The following RHD variants were observed in gnomAD, a reference collection of about 807,000 sequenced individuals.
The protein encoded by RHD is Rh blood group D antigen.
A neutral mutation model predicts 45.5 loss-of-function variants in RHD; 16 were observed. The observed-to-expected ratio is 0.35, with a 90% CI of 0.24 to 0.53. The LOEUF is 0.53. RHD is among the 20% of genes least tolerant of loss of function. The pLI is 0.92. For missense variants in RHD, 306 were observed against 532.0 expected (o/e 0.58, Z 4.18); for synonymous variants, 131 against 217.5 (o/e 0.60, Z 3.50).
chr1:25,303,587 A>G (rs1167708726), intron 6 of RHD, 128 bp downstream of exon 6: 2 of 994,586 alleles, frequency 2.0e-6, no homozygotes, highest in African/African-American at 1.6e-5. Flanking sequence ...ATTGGCTTCA[A>G]CGCCTAGTGA....
At chr1:25,281,171 G>T (rs1435418823) in intron 1 of RHD, among the ~76,000 whole-genome samples, 2 of 132,296 alleles carry the variant, frequency 1.5e-5, no homozygotes, top group Non-Finnish European at 3.6e-5. Flanking sequence ...ATAGTTCCAG[G>T]CATTCAGAGC....
chr1:25,305,968 G>C lies in RHD; in HGVS notation c.940-628G>C, dbSNP rs1246469234. ...AACCAGCCTGATTGAATTTGCATAT[G>C]TGTCCACATCTGCTGGCTCACGGCT... On this transcript the variant is annotated intron_variant, in intron 6 of 9. Transcript: ENST00000328664. Among the ~76,000 whole-genome samples, 2 of 132,144 alleles carry C rather than the reference G, an allele frequency of 1.5e-5. 1 individual carries two copies. The highest frequency in any genetic ancestry group is 3.6e-5 in the Non-Finnish European group (2 of 56,054). The allele number at this position is 132,144 out of a possible 152,430, so 86.7% of individuals were successfully genotyped here.
At chr1:25,272,810 G>C (rs1571558267) in intron 1 of RHD, 115 bp downstream of exon 1, 1 of 1,239,840 alleles carries the variant, frequency 8.1e-7, no homozygotes, top group Non-Finnish European at 1.2e-6. Context: ...CAAGGAAAAA[G>C]ATTCCCCCAT....
chr1:25,316,553 A>G (rs1364500684), intron 7 of RHD, among the ~76,000 whole-genome samples: 1 of 99,102 alleles, frequency 1.0e-5, no homozygotes, highest in African/African-American at 3.2e-5. Flanking sequence ...CAGAGGTTGC[A>G]GTGAGCCGAC....
intron 7 of RHD, chr1:25,307,920 C>A: frequency 1.1e-6 from 1 of 926,306 alleles, no homozygotes. Context: ...AATAACTGTG[C>A]AATTCTAAGC....
intron 7 of RHD, chr1:25,307,941 C>T: frequency 1.3e-6 from 1 of 790,658 alleles, no homozygotes; most frequent in Non-Finnish European, 2.0e-6. Flanking sequence ...AGAACCTTTC[C>T]TGTCTCTGGG....
rs1344986172 is a variant in RHD at position 25,283,333 on chromosome 1, C to G, written c.149-1240C>G. 1.5e-5 allele frequency among the ~76,000 whole-genome samples: 2 copies of G among 131,488 alleles called. 1 individual carries two copies. Among genetic ancestry groups the G allele is most frequent in the African/African-American group, 5.2e-5 (2 of 38,522 alleles). The allele number at this position is 131,488 out of a possible 152,430, so 86.3% of individuals were successfully genotyped here. ...ATCACTTGAGGTCAGGAGTTCGAGACCAGCTTGGCCAACATAGCGAAACCC... is the reference window on the plus strand; with the variant it reads ...ATCACTTGAGGTCAGGAGTTCGAGAGCAGCTTGGCCAACATAGCGAAACCC... On this transcript the variant is annotated intron_variant, in intron 1 of 9. Transcript: ENST00000328664.
At chr1:25,284,243 C>G (rs1178149498) in intron 1 of RHD, among the ~76,000 whole-genome samples, 1 of 136,084 alleles carries the variant, frequency 7.3e-6, no homozygotes, top group African/African-American at 2.5e-5. Context: ...GCGTCAAGCA[C>G]GTGTGCTTTA....
chr1:25,307,271 C>A (rs658452), intron 7 of RHD, among the ~76,000 whole-genome samples: 5,536 of 131,528 alleles, frequency 0.042, 1,508 homozygotes, highest in Non-Finnish European at 0.07. Flanking sequence ...GGTCTCACTG[C>A]GAGGTGGGAA....
chr1:25,321,886 C>T lies in RHD; in HGVS notation c.1154-3C>T, dbSNP rs780808563. On this transcript the variant is annotated splice_polypyrimidine_tract_variant and splice_region_variant and intron_variant, in intron 8 of 9. Coordinates refer to ENST00000328664, the MANE Select transcript of RHD (RefSeq NM_016124.6). ...TTTAACATTAAATTATGCATTTAAA[C>T]AGGTTTGCTCCTAAATCTTAAAATA... The T allele has an allele frequency of 1.6e-6, 2 of 1,215,710 alleles. No homozygotes were observed. Among genetic ancestry groups the T allele is most frequent in the East Asian group, 2.3e-5 (1 of 42,586 alleles). 75.3% of individuals were successfully genotyped at this position (1,215,710 alleles called of 1,614,324 possible). A position where few individuals can be genotyped will look rare whatever the true frequency, so the allele number is the denominator to read the frequency against.
Position 25,296,909 on chromosome 1 carries a change from A to C in RHD, c.487-4037A>C, listed in dbSNP as rs1163820977. On this transcript the variant is annotated intron_variant, in intron 3 of 9. Transcript: ENST00000328664. ...CAGTCTCAGGAAGTATCTTTATAGC[A>C]GTGTGAAAACAGACTAACACAATTT... Among the ~76,000 whole-genome samples the C allele has an allele frequency of 3.8e-5, 5 of 130,566 alleles. 2 individuals are homozygous for C. Among genetic ancestry groups the C allele is most frequent in the Non-Finnish European group, 9.0e-5 (5 of 55,498 alleles). The allele number at this position is 130,566 out of a possible 152,430, so 85.7% of individuals were successfully genotyped here.
At chr1:25,296,805 CA>C (rs1183826492) in intron 3 of RHD, among the ~76,000 whole-genome samples, 1 of 123,762 alleles carries the variant, frequency 8.1e-6, no homozygotes, top group African/African-American at 2.7e-5. Context: ...CACCTTCCAC[CA>C]TGATTGTAAG....
rs559716390 is a variant in RHD, at chr1:25,287,849, G to A, written c.336-2792G>A. On this transcript the variant is annotated intron_variant, in intron 2 of 9. Transcript: ENST00000328664. Reference sequence around the variant, plus strand: ...TGATCCTCCCACCTCAGCCTCCTGAGTTAAATTTTTTTACAGGCGCCTGCT... The same window carrying A: ...TGATCCTCCCACCTCAGCCTCCTGAATTAAATTTTTTTACAGGCGCCTGCT... Among the ~76,000 whole-genome samples, 116 of 93,924 alleles carry A rather than the reference G, an allele frequency of 1.2e-3. 12 individuals carry two copies. The highest frequency in any genetic ancestry group is 3.1e-3 in the African/African-American group (111 of 35,326). The allele number at this position is 93,924 out of a possible 152,430, so 61.6% of individuals were successfully genotyped here. A position where few individuals can be genotyped will look rare whatever the true frequency, so the allele number is the denominator to read the frequency against.
Position 25,310,273 on chromosome 1 carries a change from GAAGT to G in RHD, c.1073+3547_1073+3550del, listed in dbSNP as rs1392412945. On this transcript the variant is annotated intron_variant, in intron 7 of 9. Transcript: ENST00000328664. ...TGGTTTTTGGAGGAAGGGCCTTTGG[GAAGT>G]AATTAGGATTAGATAAGGTCATGGG... Among the ~76,000 whole-genome samples, 92 of 133,352 alleles carry G rather than the reference GAAGT, an allele frequency of 6.9e-4. 6 individuals carry two copies. Among genetic ancestry groups the G allele is most frequent in the African/African-American group, 2.2e-3 (87 of 39,524 alleles). The allele number at this position is 133,352 out of a possible 152,430, so 87.5% of individuals were successfully genotyped here. A position where few individuals can be genotyped will look rare whatever the true frequency, so the allele number is the denominator to read the frequency against.
intron 8 of RHD, among the ~76,000 whole-genome samples, chr1:25,319,352 A>AT (rs1486979428): frequency 2.3e-5 from 3 of 132,810 alleles, no homozygotes; most frequent in African/African-American, 7.7e-5. Context: ...TGGGTGGCTC[A>AT]TACTTGTAAT....
At chr1:25,315,740 C>A (rs1484604168) in intron 7 of RHD, among the ~76,000 whole-genome samples, 1 of 130,146 alleles carries the variant, frequency 7.7e-6, no homozygotes, top group African/African-American at 2.6e-5. Context: ...TCATGATCTG[C>A]CCGCCTCGGC....
At chr1:25,295,856 T>G (rs1571646189) in intron 3 of RHD, among the ~76,000 whole-genome samples, 2 of 40,936 alleles carry the variant, frequency 4.9e-5, no homozygotes, top group African/African-American at 1.2e-4. Flanking sequence ...GGAAATTTTT[T>G]TTTTTTTTTT....
chr1:25,329,822 T>A lies in RHD; in HGVS notation c.*898T>A, dbSNP rs1475149000. ...GTGCGCACTACCACACCCAGCTAAT[T>A]TTTGCATTTTTACTTGACAGGGTTT... On this transcript the variant is annotated 3_prime_UTR_variant, in exon 10 of 10. Transcript: ENST00000328664. The A allele has an allele frequency of 7.7e-6, 1 of 129,218 alleles. No homozygotes were observed. The highest frequency in any genetic ancestry group is 2.6e-5 in the African/African-American group (1 of 38,014). The allele number at this position is 129,218 out of a possible 1,614,324, so 8.0% of individuals were successfully genotyped here.
At position 25,284,810 on chromosome 1, in the gene RHD, C is replaced by G. The variant is rs368027003; in HGVS notation, c.335+51C>G. Reference sequence around the variant, plus strand: ...TCTGGGTCATAGAGGGAATGGACCCCGAAAGGACAGGTTCCAGAAGATCTG... The same window carrying G: ...TCTGGGTCATAGAGGGAATGGACCCGGAAAGGACAGGTTCCAGAAGATCTG... On this transcript the variant is annotated intron_variant, in intron 2 of 9. Coordinates refer to ENST00000328664, the MANE Select transcript of RHD (RefSeq NM_016124.6). The G allele has an allele frequency of 1.0e-5, 14 of 1,339,300 alleles. No individual in the cohort carries two copies. The Admixed American group carries it at 1.5e-4, about 14-fold the overall frequency. 83.0% of individuals were successfully genotyped at this position (1,339,300 alleles called of 1,614,324 possible).
Sources: allele counts gnomAD v4.1 joint callset (sites outside exome capture counted in the v4.1 genomes callset), GRCh38; gene constraint gnomAD v4.1.1; transcripts MANE v1.5; gene names NCBI Gene and HGNC (gene_info 2026-07-23, HGNC 2026-07-21).